The following WWOX variants were observed in gnomAD, a reference collection of about 807,000 sequenced individuals.
The protein encoded by WWOX is WW domain containing oxidoreductase, also known as WW domain-containing oxidoreductase.
In WWOX, 69 loss-of-function variants were observed where a neutral mutation model predicts 46.2. The ratio of observed to expected loss-of-function variants is 1.49; its 90% CI spans 1.23 to 1.82. The LOEUF (loss-of-function observed/expected upper bound fraction) is 1.82, where lower values mean the gene tolerates loss of function less well. Among genes scored for constraint, WWOX ranks in the 40% most tolerant of loss-of-function variants. The pLI is 0.00. For synonymous variants in WWOX, 359 were observed against 202.6 expected, an observed-to-expected ratio of 1.77 and a Z score of -6.56; for missense variants, 919 against 542.6, an observed-to-expected ratio of 1.69 and a Z score of -6.89.
chr16:79,194,129 A>G (rs1478569023), intron 8 of WWOX, among the ~76,000 whole-genome samples: 1 of 152,126 alleles, frequency 6.6e-6, no homozygotes, highest in Non-Finnish European at 1.5e-5. Context: ...TGTGGCACGT[A>G]ATGCATATTA....
At chr16:79,177,916 G>A (rs2050833258) in intron 8 of WWOX, among the ~76,000 whole-genome samples, 1 of 152,180 alleles carries the variant, frequency 6.6e-6, no homozygotes, top group East Asian at 1.9e-4. Flanking sequence ...AAGTTCTGGA[G>A]CCTGGGAAGT....
chr16:78,840,402 C>G (rs986790789), intron 8 of WWOX, among the ~76,000 whole-genome samples: 9 of 152,244 alleles, frequency 5.9e-5, no homozygotes, highest in African/African-American at 2.2e-4. Context: ...ATTCAGTAGG[C>G]CCACAGTCAA....
In WWOX at chr16:78,372,675, G is replaced by A. The variant is rs184832097; in HGVS notation, c.517-14185G>A. Among the ~76,000 whole-genome samples the A allele has an allele frequency of 1.2e-4, 18 of 152,146 alleles. No homozygotes were observed. The East Asian group carries it at 1.9e-3, about 16-fold the overall frequency. On this transcript the variant is annotated intron_variant, in intron 5 of 8. Coordinates refer to ENST00000566780, the MANE Select transcript of WWOX (RefSeq NM_016373.4). Reference sequence around the variant, plus strand: ...CCTGCTGGTGCATGGTTGAGGCTCCGTTTTTTTGTTTTTAGCAGTTATAGG... The same window carrying A: ...CCTGCTGGTGCATGGTTGAGGCTCCATTTTTTTGTTTTTAGCAGTTATAGG...
At chr16:78,927,682 TAATC>T (rs749968971) in intron 8 of WWOX, among the ~76,000 whole-genome samples, 2 of 152,210 alleles carry the variant, frequency 1.3e-5, no homozygotes, top group Admixed American at 6.5e-5. Flanking sequence ...TTATCAGACT[TAATC>T]AAGCACTTAT....
intron 6 of WWOX, among the ~76,000 whole-genome samples, chr16:78,419,777 A>C (rs774961859): frequency 1.5e-4 from 22 of 147,870 alleles, no homozygotes; most frequent in Non-Finnish European, 3.1e-4. Flanking sequence ...CAAGTGACAA[A>C]AGAAAAAAAG....
intron 8 of WWOX, among the ~76,000 whole-genome samples, chr16:78,617,476 C>T (rs1366858375): frequency 6.6e-6 from 1 of 151,644 alleles, no homozygotes; most frequent in South Asian, 2.1e-4. Flanking sequence ...ATTGATCGTT[C>T]ATTCACAATG....
At position 78,328,710 on chromosome 16, in the gene WWOX, T is replaced by C. The variant is rs151172327; in HGVS notation, c.517-58150T>C. On this transcript the variant is annotated intron_variant, in intron 5 of 8. Coordinates refer to ENST00000566780, the MANE Select transcript of WWOX (RefSeq NM_016373.4). ...ATGTGACTGGACTTTTGACAAGCAGTCTGGGACTTCTGCTGAAAAGTGCTC... is the reference window on the plus strand; with the variant it reads ...ATGTGACTGGACTTTTGACAAGCAGCCTGGGACTTCTGCTGAAAAGTGCTC... 3.7e-3 allele frequency among the ~76,000 whole-genome samples: 571 copies of C among 152,282 alleles called. 2 individuals carry two copies. The highest frequency in any genetic ancestry group is 0.013 in the African/African-American group (548 of 41,554).
intron 8 of WWOX, among the ~76,000 whole-genome samples, chr16:78,937,819 G>T (rs762522309): frequency 6.6e-6 from 1 of 151,874 alleles, no homozygotes; most frequent in Non-Finnish European, 1.5e-5. Flanking sequence ...ATAGAGGTCT[G>T]TTTTTACTAT....
chr16:78,673,393 A>G (rs1333413364), intron 8 of WWOX, among the ~76,000 whole-genome samples: 1 of 152,176 alleles, frequency 6.6e-6, no homozygotes, highest in East Asian at 1.9e-4. Flanking sequence ...TCTCCAGCCC[A>G]GTTATCTTAG....
At chr16:78,687,463 T>C (rs1397590238) in intron 8 of WWOX, among the ~76,000 whole-genome samples, 2 of 152,214 alleles carry the variant, frequency 1.3e-5, no homozygotes, top group Non-Finnish European at 2.9e-5. Flanking sequence ...GAACAATCAT[T>C]TGGAGACAGA....
chr16:78,996,323 T>C, intron 8 of WWOX: 6 of 982,134 alleles, frequency 6.1e-6, no homozygotes, highest in Non-Finnish European at 7.2e-6. Flanking sequence ...TTTTCTACCG[T>C]GACAGAAGAT....
chr16:79,092,308 G>C (rs2048978132), intron 8 of WWOX, among the ~76,000 whole-genome samples: 1 of 152,176 alleles, frequency 6.6e-6, no homozygotes, highest in South Asian at 2.1e-4. Context: ...AAGCCTTTGG[G>C]AGCTAGGAAT....
At chr16:78,555,878 A>G (rs16948083) in intron 8 of WWOX, among the ~76,000 whole-genome samples, 11,093 of 152,160 alleles carry the variant, frequency 0.073, 860 homozygotes, top group African/African-American at 0.2. Context: ...TCTCTGCAGA[A>G]TCGTGATGTC....
intron 8 of WWOX, chr16:78,525,992 C>T (rs1435170709): frequency 6.6e-6 from 1 of 152,164 alleles, no homozygotes; most frequent in Non-Finnish European, 1.5e-5. Flanking sequence ...ATGTATCATC[C>T]TATCTGCTTC....
intron 8 of WWOX, among the ~76,000 whole-genome samples, chr16:78,545,612 C>T (rs778041663): frequency 1.8e-4 from 28 of 152,196 alleles, no homozygotes; most frequent in Admixed American, 5.2e-4. Flanking sequence ...TCATGGTTGG[C>T]GATTAAATAG....
chr16:78,399,704 A>G (rs1365942986), intron 6 of WWOX, among the ~76,000 whole-genome samples: 1 of 152,188 alleles, frequency 6.6e-6, no homozygotes, highest in Admixed American at 6.5e-5. Flanking sequence ...GTTTACAATT[A>G]TATTTCCCAA....
rs201000640 is a variant in WWOX, at chr16:79,125,062, T to C, written c.1057-86546T>C. 9.5e-3 allele frequency among the ~76,000 whole-genome samples: 1,439 copies of C among 151,036 alleles called. 23 individuals carry two copies. Among genetic ancestry groups the C allele is most frequent in the African/African-American group, 0.033 (1,365 of 40,850 alleles). ...ATTTTCCCATCTTTTTTTTTTTTTT[T>C]AGGGATAAATTTCTCCCAAACTATA... On this transcript the variant is annotated intron_variant, in intron 8 of 8. Coordinates refer to ENST00000566780, the MANE Select transcript of WWOX (RefSeq NM_016373.4).
chr16:78,977,878 C>G (rs1338802369), intron 8 of WWOX, among the ~76,000 whole-genome samples: 1 of 152,190 alleles, frequency 6.6e-6, no homozygotes, highest in African/African-American at 2.4e-5. Context: ...TTTTCCCCTA[C>G]TTTTAAAAAA....
chr16:78,116,232 A>G (rs548961041), intron 4 of WWOX, among the ~76,000 whole-genome samples: 2 of 152,332 alleles, frequency 1.3e-5, no homozygotes, highest in South Asian at 4.1e-4. Context: ...GCTATCAAAT[A>G]GTAGGTCTTA....
Sources: allele counts gnomAD v4.1 joint callset (sites outside exome capture counted in the v4.1 genomes callset), GRCh38; gene constraint gnomAD v4.1.1; transcripts MANE v1.5; gene names NCBI Gene and HGNC (gene_info 2026-07-23, HGNC 2026-07-21).